SLC38A9: variants seen among roughly 807,000 people sequenced by gnomAD.
SLC38A9 encodes solute carrier family 38 member 9, also known as neutral amino acid transporter 9.
Under a neutral mutation model 62.3 loss-of-function variants are expected in SLC38A9, and 48 were observed. The ratio of observed to expected loss-of-function variants is 0.77; its 90% CI spans 0.61 to 0.98. The LOEUF is 0.98. Among genes scored for constraint, SLC38A9 ranks in the 50% least tolerant of loss-of-function variants. The pLI, the probability that SLC38A9 is intolerant of heterozygous loss-of-function variation, is 0.00. For missense variants in SLC38A9, 541 were observed against 679.8 expected (o/e 0.80, Z 2.27); for synonymous variants, 204 against 227.7 (o/e 0.90, Z 0.94).
chr5:55,676,404 T>C (rs1752087138), intron 3 of SLC38A9, among the ~76,000 whole-genome samples: 1 of 152,148 alleles, frequency 6.6e-6, no homozygotes, highest in Admixed American at 6.6e-5. Context: ...GTCTCAAACT[T>C]CTGGCACAAG....
intron 8 of SLC38A9, among the ~76,000 whole-genome samples, chr5:55,661,513 A>G (rs1025973103): frequency 6.6e-6 from 1 of 151,870 alleles, no homozygotes; most frequent in Non-Finnish European, 1.5e-5. Context: ...CTCCACATCA[A>G]TAAATCCAGT....
chr5:55,635,447 G>A, intron 13 of SLC38A9, 97 bp downstream of exon 13: 1 of 853,126 alleles, frequency 1.2e-6, no homozygotes, highest in African/African-American at 1.7e-5. Flanking sequence ...TAAAACCCAG[G>A]CCTATCTGAT....
chr5:55,626,675 T>C lies in SLC38A9; in HGVS notation c.1521-16A>G. ...TCCTGAATATCTGCAAAATAAAAGC[T>C]TTTGGGGTTAATATTCATCTTGCAC... is the stretch of plus-strand genomic sequence containing the variant. On this transcript the variant is annotated splice_polypyrimidine_tract_variant and intron_variant, in intron 15 of 15. Transcript: ENST00000396865. 6.3e-7 allele frequency: 1 copy of C among 1,579,894 alleles called. No individual in the cohort carries two copies. The highest frequency in any genetic ancestry group is 8.6e-7 in the Non-Finnish European group (1 of 1,166,200).
intron 8 of SLC38A9, among the ~76,000 whole-genome samples, chr5:55,660,270 C>T (rs11745735): frequency 0.6 from 90,172 of 150,858 alleles, 27,491 homozygotes; most frequent in South Asian, 0.7. Flanking sequence ...ATTAGCCGGG[C>T]ATGGTGGTGG....
chr5:55,651,268 T>TTTTTTTA lies in SLC38A9; in HGVS notation c.952+1260_952+1261insTAAAAAA, dbSNP rs70995717. On this transcript the variant is annotated intron_variant, in intron 10 of 15. Transcript: ENST00000396865. Reference sequence around the variant, plus strand: ...GCCATCTTTTTTTTTTTTTTTTTTTTAAGACAGAGTCTCATTCTGTCACCC... The same window carrying TTTTTTTA: ...GCCATCTTTTTTTTTTTTTTTTTTTTTTTTTTAAAGACAGAGTCTCATTCTGTCACCC... 1.8e-4 allele frequency among the ~76,000 whole-genome samples: 26 copies of TTTTTTTA among 146,542 alleles called. 1 individual carries two copies. Among genetic ancestry groups the TTTTTTTA allele is most frequent in the Non-Finnish European group, 3.3e-4 (22 of 66,606 alleles).
At chr5:55,642,324 C>A (rs544384739) in intron 12 of SLC38A9, among the ~76,000 whole-genome samples, 1 of 152,202 alleles carries the variant, frequency 6.6e-6, no homozygotes, top group Non-Finnish European at 1.5e-5. Context: ...GGATTACAGG[C>A]GTGAGCCACC....
At chr5:55,628,255 T>C (rs1228105864) in intron 14 of SLC38A9, among the ~76,000 whole-genome samples, 2 of 152,198 alleles carry the variant, frequency 1.3e-5, no homozygotes, top group African/African-American at 4.8e-5. Flanking sequence ...TATTATTCCA[T>C]TTGGAATATC....
Position 55,699,460 on chromosome 5 carries a change from G to A in SLC38A9, c.-34-1468C>T, listed in dbSNP as rs1486451566. Among the ~76,000 whole-genome samples the A allele has an allele frequency of 3.3e-5, 5 of 152,156 alleles. No homozygotes were observed. The East Asian group carries it at 5.8e-4, about 18-fold the overall frequency. ...TTTCCTGTAAAGATACACCTTCATC[G>A]CAGGCCTCAAAGAAGTCCTGCTAAC... is the stretch of plus-strand genomic sequence containing the variant. On this transcript the variant is annotated intron_variant, in intron 2 of 15. Coordinates refer to ENST00000396865, the MANE Select transcript of SLC38A9 (RefSeq NM_173514.4).
At chr5:55,672,468 G>A in intron 4 of SLC38A9, 95 bp downstream of exon 4, 2 of 1,402,566 alleles carry the variant, frequency 1.4e-6, no homozygotes, top group South Asian at 2.7e-5. Flanking sequence ...AATACAGTCA[G>A]AAAGAAGTTC....
In SLC38A9 at chr5:55,649,327, A is replaced by T. The variant is rs747627095; in HGVS notation, c.953-13T>A. 6.9e-7 allele frequency: 1 copy of T among 1,458,318 alleles called. No individual in the cohort carries two copies. The highest frequency in any genetic ancestry group is 9.3e-7 in the Non-Finnish European group (1 of 1,071,626). 90.3% of individuals were successfully genotyped at this position (1,458,318 alleles called of 1,614,324 possible). ...ACAGACACTGTGCCTGTGAGGAAAA[A>T]ATTCAGAAACCATTTATTATCTTTG... On this transcript the variant is annotated splice_polypyrimidine_tract_variant and intron_variant, in intron 10 of 15. Transcript: ENST00000396865.
At chr5:55,698,769 AAAAC>A (rs1253172486) in intron 2 of SLC38A9, among the ~76,000 whole-genome samples, 2 of 152,126 alleles carry the variant, frequency 1.3e-5, no homozygotes, top group Non-Finnish European at 2.9e-5. Context: ...TCTCCACTAA[AAAAC>A]AAACAAAACT....
chr5:55,690,004 C>G (rs1754499408), intron 3 of SLC38A9, among the ~76,000 whole-genome samples: 1 of 151,362 alleles, frequency 6.6e-6, no homozygotes, highest in African/African-American at 2.4e-5. Context: ...ATTATGGATA[C>G]AAAAGGGCAA....
chr5:55,655,787 T>TA (rs1748305097), intron 9 of SLC38A9, among the ~76,000 whole-genome samples: 1 of 152,184 alleles, frequency 6.6e-6, no homozygotes, highest in African/African-American at 2.4e-5. Context: ...GACATCAGTT[T>TA]AGTATCCCTG....
chr5:55,697,667 A>T (rs1219388011), intron 3 of SLC38A9, among the ~76,000 whole-genome samples, 179 bp downstream of exon 3: 8 of 151,960 alleles, frequency 5.3e-5, no homozygotes, highest in East Asian at 1.9e-4. Context: ...AAAAAAAAAA[A>T]AAAAAAAATA....
intron 3 of SLC38A9, among the ~76,000 whole-genome samples, chr5:55,683,374 T>C (rs1753310701): frequency 6.6e-6 from 1 of 152,176 alleles, no homozygotes; most frequent in East Asian, 1.9e-4. Flanking sequence ...CAAGGTAATT[T>C]AAACAAAGTT....
intron 3 of SLC38A9, among the ~76,000 whole-genome samples, chr5:55,676,217 CAG>C (rs1752059503): frequency 6.6e-6 from 1 of 152,056 alleles, no homozygotes. Flanking sequence ...TTGCCTAGGC[CAG>C]AGTGCAGTGG....
chr5:55,652,056 T>C (rs1747590441), intron 10 of SLC38A9, among the ~76,000 whole-genome samples: 1 of 148,966 alleles, frequency 6.7e-6, no homozygotes, highest in Non-Finnish European at 1.5e-5. Context: ...AAAAATCAGG[T>C]TATCATAAGA....
intron 12 of SLC38A9, among the ~76,000 whole-genome samples, chr5:55,636,198 C>A (rs1369248547): frequency 6.6e-6 from 1 of 152,110 alleles, no homozygotes; most frequent in Non-Finnish European, 1.5e-5. Flanking sequence ...GTATTAAAGA[C>A]AAGCTTAATA....
At position 55,626,435 on chromosome 5, in the gene SLC38A9, G is replaced by A; in HGVS notation, c.*59C>T. ...CAGCATTTACAAGTGAATTTATATA[G>A]AACTGTTGTCAAGGCTCAAAATATC... On this transcript the variant is annotated 3_prime_UTR_variant, in exon 16 of 16. Coordinates refer to ENST00000396865, the MANE Select transcript of SLC38A9 (RefSeq NM_173514.4). 1 of 1,356,020 alleles carries A rather than the reference G, an allele frequency of 7.4e-7. No individual in the cohort carries two copies. The highest frequency in any genetic ancestry group is 1.0e-6 in the Non-Finnish European group (1 of 972,790). 84.0% of individuals were successfully genotyped at this position (1,356,020 alleles called of 1,614,324 possible).
Sources: allele counts gnomAD v4.1 joint callset (sites outside exome capture counted in the v4.1 genomes callset), GRCh38; gene constraint gnomAD v4.1.1; transcripts MANE v1.5; gene names NCBI Gene and HGNC (gene_info 2026-07-23, HGNC 2026-07-21).